GPR89B: variants seen among roughly 807,000 people sequenced by gnomAD.
GPR89B encodes the protein G protein-coupled receptor 89B.
GPR89B carries 25 observed loss-of-function variants against 52.4 expected under a neutral mutation model. The observed-to-expected ratio is 0.48, with a 90% CI of 0.35 to 0.67. The LOEUF (loss-of-function observed/expected upper bound fraction) is 0.67. Among genes scored for constraint, GPR89B ranks in the 30% least tolerant of loss-of-function variants. The probability of loss-of-function intolerance (pLI) is 0.01; values close to 1 mark genes in which losing one functional copy is unlikely to be tolerated. For synonymous variants in GPR89B, 52 were observed against 151.2 expected (o/e 0.34, Z 4.81); for missense variants, 146 against 450.2 (o/e 0.32, Z 6.11).
At chr1:147,973,290 G>A (rs1222504635) in intron 10 of GPR89B, among the ~76,000 whole-genome samples, 11 of 152,008 alleles carry the variant, frequency 7.2e-5, no homozygotes, top group East Asian at 1.9e-4. Flanking sequence ...GTGTAAAAGC[G>A]TTCCTATTTC....
At chr1:147,945,816 C>G (rs1313861075) in intron 5 of GPR89B, among the ~76,000 whole-genome samples, 3 of 151,044 alleles carry the variant, frequency 2.0e-5, no homozygotes, top group African/African-American at 7.3e-5. Context: ...CCTCCGACTC[C>G]CAGGCTCAAG....
At chr1:147,991,687 T>C (rs1321793584) in intron 12 of GPR89B, among the ~76,000 whole-genome samples, 3 of 152,224 alleles carry the variant, frequency 2.0e-5, no homozygotes, top group Non-Finnish European at 4.4e-5. Context: ...AGGCCTTTTC[T>C]GCATCTATTG....
chr1:147,985,012 C>G (rs1303006329), intron 10 of GPR89B, among the ~76,000 whole-genome samples: 17 of 152,274 alleles, frequency 1.1e-4, no homozygotes, highest in Middle Eastern at 3.4e-3. Flanking sequence ...ACGTCAAATT[C>G]ATTGATAGTA....
chr1:147,981,226 G>C (rs1201893676), intron 10 of GPR89B, among the ~76,000 whole-genome samples: 2 of 145,698 alleles, frequency 1.4e-5, no homozygotes, highest in Non-Finnish European at 3.0e-5. Context: ...CCAACACTTT[G>C]GGAGGCTGAG....
intron 7 of GPR89B, among the ~76,000 whole-genome samples, chr1:147,962,910 T>A (rs1656712396): frequency 1.5e-5 from 2 of 135,812 alleles, no homozygotes; most frequent in South Asian, 2.4e-4. Context: ...AAAAAAAAAT[T>A]AAAACAGATA....
intron 3 of GPR89B, among the ~76,000 whole-genome samples, chr1:147,941,242 T>C (rs1553248857): frequency 6.6e-6 from 1 of 152,244 alleles, no homozygotes; most frequent in African/African-American, 2.4e-5. Flanking sequence ...CTCAAAAGAC[T>C]AGTTAAAACA....
chr1:147,963,329 T>G (rs1241226276), intron 7 of GPR89B, among the ~76,000 whole-genome samples: 1 of 150,380 alleles, frequency 6.6e-6, no homozygotes, highest in Admixed American at 6.7e-5. Flanking sequence ...TGAGCCAAGA[T>G]GGAGCCACTG....
At chr1:148,014,954 T>G in the GPR89B span, 1 of 151,428 alleles carries the variant, frequency 6.6e-6, no homozygotes, top group Non-Finnish European at 1.5e-5. Flanking sequence ...CCTCTCCGGT[T>G]TTCCGAGGCT....
At chr1:148,004,343 T>A in the GPR89B span, among the ~76,000 whole-genome samples, 1 of 150,874 alleles carries the variant, frequency 6.6e-6, no homozygotes, top group Non-Finnish European at 1.5e-5. Context: ...TTTTTTGTAT[T>A]TTTAGTAGAG....
intron 13 of GPR89B, 26 bp from the exon 14 acceptor site, chr1:147,992,685 T>A: frequency 7.7e-7 from 1 of 1,291,744 alleles, no homozygotes; most frequent in Non-Finnish European, 1.1e-6. Flanking sequence ...CAGAGTCACT[T>A]CTGGATTAAT....
chr1:147,990,533 T>C (rs1658984015), intron 12 of GPR89B, among the ~76,000 whole-genome samples: 1 of 152,124 alleles, frequency 6.6e-6, no homozygotes. Context: ...CATGCCTATG[T>C]CCTGAATGTT....
the GPR89B span, among the ~76,000 whole-genome samples, chr1:148,020,923 C>T: frequency 7.3e-4 from 110 of 151,716 alleles, 1 homozygote; most frequent in Middle Eastern, 3.4e-3. Flanking sequence ...ACTGACCTCA[C>T]ATGATCCACC....
the GPR89B span, among the ~76,000 whole-genome samples, chr1:147,998,802 A>G: frequency 6.6e-6 from 1 of 150,702 alleles, no homozygotes; most frequent in South Asian, 2.1e-4. Flanking sequence ...ACTCACTTGA[A>G]CCTGGGAGGC....
intron 10 of GPR89B, among the ~76,000 whole-genome samples, chr1:147,971,157 C>G (rs1657431965): frequency 6.9e-6 from 1 of 144,462 alleles, no homozygotes; most frequent in Non-Finnish European, 1.5e-5. Context: ...GGAAGCATGT[C>G]TTTTTTTTTT....
intron 10 of GPR89B, among the ~76,000 whole-genome samples, chr1:147,982,994 A>G (rs1464138736): frequency 6.6e-5 from 10 of 152,016 alleles, no homozygotes; most frequent in Non-Finnish European, 1.0e-4. Flanking sequence ...GTACATTGGC[A>G]CCGAACAGAG....
At chr1:147,969,686 C>T in intron 9 of GPR89B, 181 bp from the exon 10 acceptor site, 1 of 609,436 alleles carries the variant, frequency 1.6e-6, no homozygotes, top group Non-Finnish European at 2.9e-6. Flanking sequence ...TTATCCCAGT[C>T]TCTAGCTAAA....
intron 5 of GPR89B, among the ~76,000 whole-genome samples, chr1:147,951,889 G>T (rs1386333659): frequency 6.6e-6 from 1 of 151,868 alleles, no homozygotes; most frequent in East Asian, 1.9e-4. Flanking sequence ...TTCTAAGGGA[G>T]ACAAGTTGGG....
chr1:147,928,608 G>A (rs1454876088), intron 1 of GPR89B, 30 bp downstream of exon 1: 2 of 1,613,444 alleles, frequency 1.2e-6, no homozygotes, highest in East Asian at 4.5e-5. Context: ...CCCGACACCC[G>A]TCCGCCTCCC....
At chr1:148,008,207 G>T in the GPR89B span, among the ~76,000 whole-genome samples, 4 of 152,154 alleles carry the variant, frequency 2.6e-5, no homozygotes, top group Non-Finnish European at 5.9e-5. Context: ...CATTTCTCCT[G>T]CTACCTTGTT....
Sources: allele counts gnomAD v4.1 joint callset (sites outside exome capture counted in the v4.1 genomes callset), GRCh38; gene constraint gnomAD v4.1.1; transcripts MANE v1.5; gene names NCBI Gene and HGNC (gene_info 2026-07-23, HGNC 2026-07-21).